SSPN: variants seen among roughly 807,000 people sequenced by gnomAD.
SSPN encodes sarcospan.
Under a neutral mutation model 19.1 loss-of-function variants are expected in SSPN, and 15 were observed. That is an observed-to-expected ratio of 0.78 (90% confidence interval 0.52 to 1.21). The LOEUF (loss-of-function observed/expected upper bound fraction) is 1.21. SSPN is among the 50% of genes most tolerant of loss of function. SSPN has a pLI of 0.00. For missense variants in SSPN, 291 were observed against 314.0 expected, an observed-to-expected ratio of 0.93 and a Z score of 0.55; for synonymous variants, 147 against 140.3, an observed-to-expected ratio of 1.05 and a Z score of -0.34.
chr12:26,196,138 G>A (rs968083058), intron 1 of SSPN, among the ~76,000 whole-genome samples, 187 bp downstream of exon 1: 3 of 152,352 alleles, frequency 2.0e-5, no homozygotes, highest in Admixed American at 6.5e-5. Flanking sequence ...GGACGCGATA[G>A]GGCTCCTGCC....
chr12:26,202,551 T>C (rs1944895484), intron 1 of SSPN, among the ~76,000 whole-genome samples: 2 of 152,356 alleles, frequency 1.3e-5, no homozygotes, highest in South Asian at 4.1e-4. Context: ...ATATTACCAC[T>C]CTTAACCTTT....
chr12:26,123,270 TAA>T, intron 1 of SSPN: 1 of 1,391,408 alleles, frequency 7.2e-7, no homozygotes, highest in Non-Finnish European at 9.6e-7. Flanking sequence ...CTGCATCGAC[TAA>T]AGTGATCTCG....
chr12:26,124,344 A>C (rs1024511466), intron 1 of SSPN, among the ~76,000 whole-genome samples: 3 of 145,166 alleles, frequency 2.1e-5, no homozygotes, highest in Admixed American at 1.5e-4. Context: ...ATGCAATTTA[A>C]ATTCAGGTAT....
intron 1 of SSPN, among the ~76,000 whole-genome samples, chr12:26,212,431 C>G (rs975319520): frequency 7.2e-5 from 11 of 151,926 alleles, no homozygotes; most frequent in Admixed American, 5.9e-4. Context: ...AAATTTTGAC[C>G]TGGATTTTTA....
At chr12:26,193,683 A>G (rs964832271), upstream of SSPN, among the ~76,000 whole-genome samples, 1 of 152,208 alleles carries the variant, frequency 6.6e-6, no homozygotes, top group South Asian at 2.1e-4. Flanking sequence ...TTGTGGTGTG[A>G]TGGCCCCAAA....
rs189991455 is a variant in SSPN, at chr12:26,234,272, T to G, written c.*3196T>G. ...GTGGTTATTTAAAGACAATCAGAAA[T>G]GAACTTAAAAGCTGCCCTGCAAAAC... On this transcript the variant is annotated 3_prime_UTR_variant, in exon 3 of 3. Transcript: ENST00000242729. The G allele has an allele frequency of 3.9e-5, 6 of 152,184 alleles. No individual in the cohort carries two copies. Among genetic ancestry groups the G allele is most frequent in the Non-Finnish European group, 5.9e-5 (4 of 68,038 alleles). The allele number at this position is 152,184 out of a possible 1,614,324, so 9.4% of individuals were successfully genotyped here.
intron 2 of SSPN, among the ~76,000 whole-genome samples, chr12:26,225,479 C>T (rs1390775739): frequency 6.6e-6 from 1 of 152,054 alleles, no homozygotes. Flanking sequence ...ATACAATTAT[C>T]TATGAGTGGT....
chr12:26,193,548 T>A (rs998625931), upstream of SSPN, among the ~76,000 whole-genome samples: 20 of 152,226 alleles, frequency 1.3e-4, no homozygotes, highest in Non-Finnish European at 2.4e-4. Context: ...ATATTTACCA[T>A]ATTTCCATAG....
chr12:26,205,209 A>ACCC (rs1944920761), intron 1 of SSPN, among the ~76,000 whole-genome samples: 2 of 152,146 alleles, frequency 1.3e-5, no homozygotes, highest in Non-Finnish European at 2.9e-5. Flanking sequence ...GTGGTGAGAA[A>ACCC]CCTGGAGGAA....
Position 26,232,236 on chromosome 12 carries a change from A to T in SSPN, c.*1160A>T, listed in dbSNP as rs1440039150. 1 of 985,310 alleles carries T rather than the reference A, an allele frequency of 1.0e-6. No homozygotes were observed. Among genetic ancestry groups the T allele is most frequent in the African/African-American group, 1.7e-5 (1 of 57,238 alleles). 61.0% of individuals were successfully genotyped at this position (985,310 alleles called of 1,614,324 possible). ...ATTAATTCGTATGCTTAGTCAACCT[A>T]GGAAATCAAAATAATGTTTTGAAGT... On this transcript the variant is annotated 3_prime_UTR_variant, in exon 3 of 3. Coordinates refer to ENST00000242729, the MANE Select transcript of SSPN (RefSeq NM_005086.5).
At chr12:26,152,050 A>T (rs1944528839) in intron 1 of SSPN, among the ~76,000 whole-genome samples, 1 of 152,240 alleles carries the variant, frequency 6.6e-6, no homozygotes. Context: ...GACTACAAAG[A>T]CAATACACTT....
At chr12:26,197,199 A>G (rs778596761) in intron 1 of SSPN, among the ~76,000 whole-genome samples, 31 of 152,236 alleles carry the variant, frequency 2.0e-4, no homozygotes, top group Non-Finnish European at 4.0e-4. Context: ...ACGTCCCTCA[A>G]AATAATTTTG....
chr12:26,124,328 T>C (rs1474678406), intron 1 of SSPN: 6 of 728,520 alleles, frequency 8.2e-6, no homozygotes, highest in Non-Finnish European at 1.4e-5. Flanking sequence ...TCTGGACTGT[T>C]CTGCAATGCA....
At position 26,201,045 on chromosome 12, in the gene SSPN, ATTAT is replaced by A. The variant is rs1169570663; in HGVS notation, c.279+5095_279+5098del. On this transcript the variant is annotated intron_variant, in intron 1 of 2. Coordinates refer to ENST00000242729, the MANE Select transcript of SSPN (RefSeq NM_005086.5). ...TATATATATATATATATATATATAT[ATTAT>A]ATATATATATTTGGAAATAAAATGG... Among the ~76,000 whole-genome samples, 266 of 49,932 alleles carry A rather than the reference ATTAT, an allele frequency of 5.3e-3. 4 individuals are homozygous for A. Among genetic ancestry groups the A allele is most frequent in the African/African-American group, 0.02 (253 of 12,706 alleles). The allele number at this position is 49,932 out of a possible 152,430, so 32.8% of individuals were successfully genotyped here. A position where few individuals can be genotyped will look rare whatever the true frequency, so the allele number is the denominator to read the frequency against.
rs188513005 is a variant in SSPN, at chr12:26,207,594, A to G, written c.279+11643A>G. Among the ~76,000 whole-genome samples, 25 of 152,322 alleles carry G rather than the reference A, an allele frequency of 1.6e-4. 1 individual carries two copies. In the East Asian group the frequency reaches 4.2e-3, roughly 26 times the overall value. ...CAACATGTCATATTTTAATTTTTAT[A>G]CAGATGGTATCATATCATTTCTGCT... On this transcript the variant is annotated intron_variant, in intron 1 of 2. Coordinates refer to ENST00000242729, the MANE Select transcript of SSPN (RefSeq NM_005086.5).
intron 2 of SSPN, among the ~76,000 whole-genome samples, chr12:26,226,237 C>T (rs966916312): frequency 6.6e-6 from 1 of 152,274 alleles, no homozygotes; most frequent in Admixed American, 6.5e-5. Context: ...CAACAGGGGA[C>T]AGCTGACTTC....
chr12:26,212,760 A>G (rs1250418339), intron 1 of SSPN, among the ~76,000 whole-genome samples: 1 of 152,216 alleles, frequency 6.6e-6, no homozygotes, highest in Non-Finnish European at 1.5e-5. Flanking sequence ...AGTCATTCGC[A>G]AAGCTTCCTA....
intron 1 of SSPN, chr12:26,123,693 G>A: frequency 1.9e-6 from 3 of 1,614,130 alleles, no homozygotes; most frequent in East Asian, 2.2e-5. Context: ...GCTTTTAAGT[G>A]TTTCAAAGTT....
intron 1 of SSPN, among the ~76,000 whole-genome samples, chr12:26,215,012 T>G (rs540357780): frequency 6.6e-6 from 1 of 152,294 alleles, no homozygotes; most frequent in East Asian, 1.9e-4. Flanking sequence ...GCTGCTCATA[T>G]TCACATCTGG....
Sources: gnomAD v4.1 joint callset for allele counts (sites outside exome capture counted in the v4.1 genomes callset) on GRCh38, gnomAD v4.1.1 for gene constraint, MANE v1.5 for transcripts, NCBI Gene and HGNC (gene_info 2026-07-23, HGNC 2026-07-21) for gene names.